CNBD1: variants seen among roughly 807,000 people sequenced by gnomAD.
CNBD1 encodes cyclic nucleotide-binding domain-containing protein 1.
CNBD1 carries 71 observed loss-of-function variants against 54.4 expected under a neutral mutation model. The ratio of observed to expected loss-of-function variants is 1.30; its 90% CI spans 1.08 to 1.59. The LOEUF (loss-of-function observed/expected upper bound fraction) is 1.59, where lower values mean the gene tolerates loss of function less well. CNBD1 is among the 40% of genes most tolerant of loss of function. The pLI is 0.00. For synonymous variants in CNBD1, 182 were observed against 170.7 expected (o/e 1.07, Z -0.51); for missense variants, 659 against 518.0 (o/e 1.27, Z -2.64).
chr8:86,931,733 G>C (rs567502829), intron 3 of CNBD1, among the ~76,000 whole-genome samples: 25 of 152,196 alleles, frequency 1.6e-4, no homozygotes, highest in African/African-American at 6.0e-4. Flanking sequence ...AGCTTTCGGA[G>C]GTTTCTCCTG....
chr8:87,279,033 TTTAA>T (rs1808537570), intron 6 of CNBD1, among the ~76,000 whole-genome samples: 1 of 151,378 alleles, frequency 6.6e-6, no homozygotes, highest in Non-Finnish European at 1.5e-5. Flanking sequence ...AATTTTTCTA[TTTAA>T]TTAATAGTTA....
At chr8:87,047,844 C>G (rs548149700) in intron 4 of CNBD1, among the ~76,000 whole-genome samples, 5 of 152,174 alleles carry the variant, frequency 3.3e-5, no homozygotes, top group Non-Finnish European at 5.9e-5. Context: ...CAATACCTGA[C>G]AGCAGATCTC....
At chr8:87,310,858 T>C (rs899700170) in intron 8 of CNBD1, among the ~76,000 whole-genome samples, 3 of 151,786 alleles carry the variant, frequency 2.0e-5, no homozygotes, top group African/African-American at 7.2e-5. Context: ...TTTGATAAAG[T>C]TGACAAAAAT....
intron 3 of CNBD1, among the ~76,000 whole-genome samples, chr8:86,908,986 G>C (rs1347507822): frequency 6.6e-6 from 1 of 152,124 alleles, no homozygotes; most frequent in African/African-American, 2.4e-5. Context: ...TGGATCTCTT[G>C]ACCTCGTGAT....
At chr8:86,993,087 G>A (rs566937536) in intron 4 of CNBD1, among the ~76,000 whole-genome samples, 1 of 152,190 alleles carries the variant, frequency 6.6e-6, no homozygotes, top group South Asian at 2.1e-4. Flanking sequence ...TCTTAGGAAT[G>A]CCAATGTGTT....
At chr8:87,200,104 G>A (rs147181568) in intron 4 of CNBD1, among the ~76,000 whole-genome samples, 282 of 152,212 alleles carry the variant, frequency 1.9e-3, no homozygotes, top group Non-Finnish European at 3.0e-3. Context: ...CAGCCTCAGA[G>A]ACCTGTGGGC....
intron 4 of CNBD1, among the ~76,000 whole-genome samples, chr8:87,113,043 T>C (rs1030266228): frequency 9.2e-5 from 14 of 152,162 alleles, no homozygotes; most frequent in Admixed American, 7.2e-4. Context: ...AAGTATAAAT[T>C]GCATCATAGA....
Position 87,223,250 on chromosome 8 carries a change from A to T in CNBD1, c.578-13669A>T, listed in dbSNP as rs1469389851. On this transcript the variant is annotated intron_variant, in intron 5 of 10. Coordinates refer to ENST00000518476, the MANE Select transcript of CNBD1 (RefSeq NM_173538.3). Reference sequence around the variant, plus strand: ...TTAATTTTTATTTATTTATTTATTTATTTTTTATTATTTAAGTTTTAGGGT... The same window carrying T: ...TTAATTTTTATTTATTTATTTATTTTTTTTTTATTATTTAAGTTTTAGGGT... Among the ~76,000 whole-genome samples the T allele has an allele frequency of 1.0e-4, 15 of 146,558 alleles. No homozygotes were observed. The East Asian group carries it at 1.2e-3, about 12-fold the overall frequency.
intron 6 of CNBD1, among the ~76,000 whole-genome samples, chr8:87,283,974 T>A (rs1339102797): frequency 6.6e-6 from 1 of 152,120 alleles, no homozygotes; most frequent in Non-Finnish European, 1.5e-5. Flanking sequence ...AGAAAAATAG[T>A]CTATGGATTT....
intron 5 of CNBD1, among the ~76,000 whole-genome samples, chr8:87,225,093 T>G (rs1190190774): frequency 6.6e-6 from 1 of 151,402 alleles, no homozygotes; most frequent in Non-Finnish European, 1.5e-5. Flanking sequence ...ACATTGATTT[T>G]GTATCCTGAG....
intron 3 of CNBD1, among the ~76,000 whole-genome samples, chr8:86,919,164 G>T (rs181454143): frequency 6.6e-6 from 1 of 151,936 alleles, no homozygotes; most frequent in Non-Finnish European, 1.5e-5. Flanking sequence ...AAGACAAAAC[G>T]ATGTAAACAA....
chr8:87,391,180 A>G (rs969528183), intron 2 of CNBD1, among the ~76,000 whole-genome samples: 12 of 152,170 alleles, frequency 7.9e-5, no homozygotes, highest in Admixed American at 4.6e-4. Flanking sequence ...AACATGGCAT[A>G]TGTATACATA....
intron 4 of CNBD1, among the ~76,000 whole-genome samples, chr8:87,144,861 T>G (rs1812450338): frequency 6.9e-6 from 1 of 145,692 alleles, no homozygotes; most frequent in Admixed American, 6.9e-5. Flanking sequence ...AAAAGATAGA[T>G]AAAGTTTAGT....
intron 1 of CNBD1, among the ~76,000 whole-genome samples, chr8:86,873,498 TCA>T (rs1175050720): frequency 6.6e-6 from 1 of 152,056 alleles, no homozygotes; most frequent in African/African-American, 2.4e-5. Flanking sequence ...TTTACAATGC[TCA>T]GTCTTCCTAC....
At chr8:86,990,077 T>G (rs1808710736) in intron 4 of CNBD1, among the ~76,000 whole-genome samples, 1 of 152,184 alleles carries the variant, frequency 6.6e-6, no homozygotes, top group South Asian at 2.1e-4. Context: ...TTGTTCAAGT[T>G]TCTTATATAT....
At chr8:86,866,617 C>T in intron 1 of CNBD1, 34 bp downstream of exon 1, 7 of 1,508,884 alleles carry the variant, frequency 4.6e-6, no homozygotes, top group South Asian at 1.2e-5. Flanking sequence ...TCTTATTCAC[C>T]TACCATTGTT....
intron 5 of CNBD1, among the ~76,000 whole-genome samples, chr8:87,207,108 C>A (rs1813992213): frequency 6.6e-6 from 1 of 151,842 alleles, no homozygotes. Flanking sequence ...AAAAATAAAT[C>A]AAAGGAATTT....
rs186575989 is a variant in CNBD1 at position 87,260,766 on chromosome 8, A to G, written c.771+23654A>G. 9.2e-5 allele frequency among the ~76,000 whole-genome samples: 14 copies of G among 152,044 alleles called. No individual in the cohort carries two copies. The East Asian group carries it at 2.7e-3, about 30-fold the overall frequency. On this transcript the variant is annotated intron_variant, in intron 6 of 10. Transcript: ENST00000518476. ...TTTTTTTTTCACTGTGTTGTTGTTC[A>G]TTTGGAATGTTCTACTATAAGTTAT...
chr8:87,399,093 G>T (rs1309517233), intron 2 of CNBD1, among the ~76,000 whole-genome samples: 1 of 151,970 alleles, frequency 6.6e-6, no homozygotes, highest in Non-Finnish European at 1.5e-5. Context: ...TCATTATAAT[G>T]GAACAGTATA....
Sources: allele counts gnomAD v4.1 joint callset (sites outside exome capture counted in the v4.1 genomes callset), GRCh38; gene constraint gnomAD v4.1.1; transcripts MANE v1.5; gene names NCBI Gene and HGNC (gene_info 2026-07-23, HGNC 2026-07-21).